The following RAB38 variants were observed in gnomAD, a reference collection of about 807,000 sequenced individuals.
RAB38 encodes the protein RAB38, member RAS oncogene family.
A neutral mutation model predicts 18.4 loss-of-function variants in RAB38; 15 were observed. That is an observed-to-expected ratio of 0.82 (90% CI 0.55 to 1.26). RAB38 has a LOEUF of 1.26. Among genes scored for constraint, RAB38 ranks in the 50% most tolerant of loss-of-function variants. The probability of loss-of-function intolerance (pLI) is 0.00; values close to 1 mark genes in which losing one functional copy is unlikely to be tolerated. For synonymous variants in RAB38, 101 were observed against 104.4 expected, an observed-to-expected ratio of 0.97 and a Z score of 0.20; for missense variants, 294 against 267.4, an observed-to-expected ratio of 1.10 and a Z score of -0.69.
At chr11:87,911,431 C>T in the RAB38 span, among the ~76,000 whole-genome samples, 2 of 152,002 alleles carry the variant, frequency 1.3e-5, no homozygotes, top group Non-Finnish European at 2.9e-5. Flanking sequence ...TATATTAGGT[C>T]TTTGTAAGTT....
At chr11:88,078,792 T>C in the RAB38 span, among the ~76,000 whole-genome samples, 1 of 151,790 alleles carries the variant, frequency 6.6e-6, no homozygotes, top group Non-Finnish European at 1.5e-5. Flanking sequence ...ATAGAAGAAA[T>C]AAGACTTCGT....
the RAB38 span, among the ~76,000 whole-genome samples, chr11:87,922,039 A>G: frequency 6.6e-6 from 1 of 152,006 alleles, no homozygotes; most frequent in South Asian, 2.1e-4. Context: ...TTCTGAAGAG[A>G]ATGTTTTAAA....
chr11:87,931,587 A>G, the RAB38 span, among the ~76,000 whole-genome samples: 25 of 152,232 alleles, frequency 1.6e-4, no homozygotes, highest in African/African-American at 5.3e-4. Context: ...TTCCCTGAAC[A>G]CCAGGCACAC....
the RAB38 span, among the ~76,000 whole-genome samples, chr11:88,076,883 T>C: frequency 1.4e-5 from 2 of 140,166 alleles, no homozygotes; most frequent in African/African-American, 5.3e-5. Flanking sequence ...CACTTGAACC[T>C]GGAAAGCGGA....
the RAB38 span, among the ~76,000 whole-genome samples, chr11:88,074,770 A>C: frequency 2.6e-5 from 4 of 152,196 alleles, no homozygotes; most frequent in Non-Finnish European, 5.9e-5. Flanking sequence ...TAGCTGAATG[A>C]ATTTTTAAGA....
chr11:88,087,768 C>T, the RAB38 span, among the ~76,000 whole-genome samples: 1 of 151,982 alleles, frequency 6.6e-6, no homozygotes, highest in East Asian at 1.9e-4. Flanking sequence ...CTAATGGGAG[C>T]GTCTTATGTC....
the RAB38 span, among the ~76,000 whole-genome samples, chr11:87,903,246 C>T: frequency 6.6e-6 from 1 of 151,348 alleles, no homozygotes; most frequent in Non-Finnish European, 1.5e-5. Flanking sequence ...TATGAGTCTA[C>T]TTTCTACTCC....
the RAB38 span, among the ~76,000 whole-genome samples, chr11:87,895,683 A>T: frequency 6.6e-6 from 1 of 151,750 alleles, no homozygotes; most frequent in African/African-American, 2.4e-5. Flanking sequence ...GAGAAGCTGC[A>T]CTATCTCTGC....
chr11:88,169,649 T>G (rs891147237), intron 1 of RAB38, among the ~76,000 whole-genome samples: 2 of 152,160 alleles, frequency 1.3e-5, no homozygotes, highest in African/African-American at 4.8e-5. Flanking sequence ...CTGTCTCAAG[T>G]TGTGCAGCCC....
At chr11:87,910,375 T>C in the RAB38 span, among the ~76,000 whole-genome samples, 1,471 of 152,060 alleles carry the variant, frequency 9.7e-3, 9 homozygotes, top group Non-Finnish European at 0.016. Context: ...CTTTATCAGA[T>C]ATATGACTTG....
the RAB38 span, among the ~76,000 whole-genome samples, chr11:88,095,540 A>G: frequency 6.6e-6 from 1 of 151,842 alleles, no homozygotes; most frequent in Non-Finnish European, 1.5e-5. Context: ...CTTATTTTTC[A>G]AAATTTAAAG....
At chr11:88,171,100 G>A (rs1291315946) in intron 1 of RAB38, among the ~76,000 whole-genome samples, 2 of 152,176 alleles carry the variant, frequency 1.3e-5, no homozygotes, top group Admixed American at 1.3e-4. Flanking sequence ...AAAACAGTCT[G>A]TAATAATAAC....
At chr11:88,148,085 G>A (rs1381448516) in intron 2 of RAB38, among the ~76,000 whole-genome samples, 3 of 152,056 alleles carry the variant, frequency 2.0e-5, no homozygotes, top group African/African-American at 7.2e-5. Context: ...CTGAACCAAA[G>A]GAAGAATCCC....
the RAB38 span, among the ~76,000 whole-genome samples, chr11:87,913,658 T>C: frequency 1.3e-5 from 2 of 152,050 alleles, no homozygotes; most frequent in African/African-American, 4.8e-5. Flanking sequence ...GGTGAATCTC[T>C]TGTGAATGGT....
At chr11:88,044,206 C>G in the RAB38 span, among the ~76,000 whole-genome samples, 1 of 152,216 alleles carries the variant, frequency 6.6e-6, no homozygotes. Flanking sequence ...ACCCACGTTT[C>G]AGAGGTGTCT....
intron 2 of RAB38, among the ~76,000 whole-genome samples, chr11:88,146,208 G>A (rs1046277317): frequency 3.3e-5 from 5 of 152,166 alleles, no homozygotes; most frequent in Admixed American, 3.3e-4. Flanking sequence ...TCCCTCAGCA[G>A]TGGGGTCAGT....
chr11:88,153,978 G>A (rs1943094836), intron 1 of RAB38, among the ~76,000 whole-genome samples: 2 of 152,304 alleles, frequency 1.3e-5, no homozygotes, highest in South Asian at 4.2e-4. Flanking sequence ...AAATTCCAGG[G>A]AGGGAACATG....
the RAB38 span, among the ~76,000 whole-genome samples, chr11:87,977,763 TATTA>T: frequency 5.5e-5 from 6 of 108,828 alleles, no homozygotes; most frequent in African/African-American, 2.2e-4. Flanking sequence ...ATATATATTA[TATTA>T]TAGTTATATA....
the RAB38 span, among the ~76,000 whole-genome samples, chr11:88,067,740 A>T: frequency 6.6e-6 from 1 of 152,068 alleles, no homozygotes; most frequent in Non-Finnish European, 1.5e-5. Context: ...AGTGAGGGGA[A>T]CAACACAGGG....
Sources: gnomAD v4.1 joint callset for allele counts (sites outside exome capture counted in the v4.1 genomes callset) on GRCh38, gnomAD v4.1.1 for gene constraint, MANE v1.5 for transcripts, NCBI Gene and HGNC (gene_info 2026-07-23, HGNC 2026-07-21) for gene names.